The following CDC42BPA variants were observed in gnomAD, a reference collection of about 807,000 sequenced individuals.
CDC42BPA encodes the protein serine/threonine-protein kinase MRCK alpha.
In CDC42BPA, 80 loss-of-function variants were observed where a neutral mutation model predicts 223.5. The ratio of observed to expected loss-of-function variants is 0.36; its 90% CI spans 0.30 to 0.43. The LOEUF (loss-of-function observed/expected upper bound fraction) is 0.43. Among genes scored for constraint, CDC42BPA ranks in the 20% least tolerant of loss-of-function variants. The pLI is 1.00. For synonymous variants in CDC42BPA, 694 were observed against 718.6 expected, an observed-to-expected ratio of 0.97 and a Z score of 0.55; for missense variants, 1,743 against 2,099.9, an observed-to-expected ratio of 0.83 and a Z score of 3.32.
intron 10 of CDC42BPA, among the ~76,000 whole-genome samples, chr1:227,135,762 G>A (rs1472140835): frequency 1.3e-5 from 2 of 150,534 alleles, no homozygotes; most frequent in African/African-American, 4.9e-5. Flanking sequence ...GCTGAGGCAG[G>A]AGAATTGCTT....
chr1:227,220,808 TC>T (rs1439239517), intron 2 of CDC42BPA, among the ~76,000 whole-genome samples: 1 of 152,032 alleles, frequency 6.6e-6, no homozygotes, highest in Non-Finnish European at 1.5e-5. Flanking sequence ...CTGCTTTCAA[TC>T]CCCCTTTCTC....
intron 4 of CDC42BPA, among the ~76,000 whole-genome samples, chr1:227,198,457 A>G (rs1370369695): frequency 1.7e-5 from 1 of 59,444 alleles, no homozygotes; most frequent in Non-Finnish European, 3.8e-5. Context: ...AAAAAAGAAA[A>G]GAAAGAAAGA....
At chr1:227,072,121 C>G in intron 20 of CDC42BPA, 87 bp downstream of exon 20, 2 of 735,040 alleles carry the variant, frequency 2.7e-6, no homozygotes, top group Non-Finnish European at 4.5e-6. Context: ...AATTCTCCCA[C>G]CTATGCAATG....
intron 12 of CDC42BPA, among the ~76,000 whole-genome samples, chr1:227,113,403 A>G (rs917435276): frequency 1.3e-5 from 2 of 152,212 alleles, no homozygotes; most frequent in Non-Finnish European, 2.9e-5. Flanking sequence ...CAGCAAAAGG[A>G]AATGCAAATT....
intron 31 of CDC42BPA, among the ~76,000 whole-genome samples, chr1:227,024,871 T>C (rs367639084): frequency 2.6e-5 from 4 of 152,334 alleles, no homozygotes; most frequent in African/African-American, 9.6e-5. Flanking sequence ...GGTAGGTTCA[T>C]GAGTGATCAG....
Position 227,028,672 on chromosome 1 carries a change from T to C in CDC42BPA, c.4417A>G (p.Asn1473Asp). The C allele has an allele frequency of 6.4e-7, 1 of 1,563,186 alleles. No homozygotes were observed. The highest frequency in any genetic ancestry group is 8.7e-7 in the Non-Finnish European group (1 of 1,149,256). The change falls in exon 30 of 37, where the codon AAT becomes GAT. Residue 1473 changes from asparagine (N) to aspartate (D), a missense_variant. Coordinates refer to ENST00000366766, the MANE Select transcript of CDC42BPA (RefSeq NM_001394014.1). ...AGAATCTTACAACAAGAGGAAGGAT[T>C]TGCTGGCCACATCAATTCCTGTTGT... ...SRQQELMWPA[N>D]PSSCCYNAPY...
At chr1:227,274,164 T>C (rs866953157) in intron 1 of CDC42BPA, among the ~76,000 whole-genome samples, 1 of 152,062 alleles carries the variant, frequency 6.6e-6, no homozygotes, top group Admixed American at 6.6e-5. Flanking sequence ...ATACAGTTCA[T>C]GAATAGGGTA....
intron 21 of CDC42BPA, among the ~76,000 whole-genome samples, chr1:227,063,016 T>C (rs2148975230): frequency 6.6e-6 from 1 of 152,214 alleles, no homozygotes; most frequent in South Asian, 2.1e-4. Context: ...GCCAATACCA[T>C]TTAAAGCTAA....
At chr1:227,255,766 T>C (rs753412205) in intron 1 of CDC42BPA, among the ~76,000 whole-genome samples, 24 of 152,186 alleles carry the variant, frequency 1.6e-4, no homozygotes, top group East Asian at 9.6e-4. Context: ...GACTTGTACA[T>C]TGGAAACTAC....
At chr1:227,240,585 G>T (rs540921524) in intron 2 of CDC42BPA, among the ~76,000 whole-genome samples, 1 of 151,970 alleles carries the variant, frequency 6.6e-6, no homozygotes, top group African/African-American at 2.4e-5. Flanking sequence ...AGAGAATAGA[G>T]AGGACAGCAA....
intron 35 of CDC42BPA, among the ~76,000 whole-genome samples, chr1:226,997,453 G>C (rs578211691): frequency 1.3e-5 from 2 of 152,174 alleles, no homozygotes; most frequent in South Asian, 4.2e-4. Flanking sequence ...ATCTCCTTCA[G>C]TTCTGCTCTG....
At chr1:227,203,061 T>C (rs1047481159) in intron 3 of CDC42BPA, among the ~76,000 whole-genome samples, 1 of 152,142 alleles carries the variant, frequency 6.6e-6, no homozygotes, top group Non-Finnish European at 1.5e-5. Context: ...CAACAATTAT[T>C]TTCTTGGTCA....
At chr1:227,128,181 G>A (rs1224320593) in intron 11 of CDC42BPA, among the ~76,000 whole-genome samples, 2 of 152,024 alleles carry the variant, frequency 1.3e-5, no homozygotes, top group Non-Finnish European at 2.9e-5. Context: ...GAACACCTGG[G>A]GCACATTTGA....
chr1:227,271,425 C>T (rs780987670), intron 1 of CDC42BPA, among the ~76,000 whole-genome samples: 3 of 152,068 alleles, frequency 2.0e-5, no homozygotes, highest in Non-Finnish European at 4.4e-5. Context: ...TCCTATCATG[C>T]TATCAGAACT....
chr1:227,136,101 G>A (rs1398832337), intron 10 of CDC42BPA, among the ~76,000 whole-genome samples: 1 of 151,908 alleles, frequency 6.6e-6, no homozygotes, highest in Non-Finnish European at 1.5e-5. Context: ...TTCAGTTGTT[G>A]AAAGTAACAG....
intron 14 of CDC42BPA, among the ~76,000 whole-genome samples, chr1:227,107,409 T>G (rs574498715): frequency 1.3e-5 from 2 of 152,226 alleles, no homozygotes; most frequent in South Asian, 4.2e-4. Context: ...GAATTTATTT[T>G]AAGCTCAAGT....
intron 12 of CDC42BPA, among the ~76,000 whole-genome samples, chr1:227,113,431 G>C (rs1452165254): frequency 1.3e-5 from 2 of 152,162 alleles, no homozygotes; most frequent in Non-Finnish European, 2.9e-5. Flanking sequence ...GGGGAAAGAA[G>C]TGCAATGAAA....
At position 227,305,871 on chromosome 1, in the gene CDC42BPA, C is replaced by T. The variant is rs569549127; in HGVS notation, c.178+11134G>A. Among the ~76,000 whole-genome samples the T allele has an allele frequency of 7.2e-5, 11 of 152,248 alleles. No individual in the cohort carries two copies. In the East Asian group the frequency reaches 9.6e-4, roughly 13 times the overall value. On this transcript the variant is annotated intron_variant, in intron 1 of 36. Transcript: ENST00000366766. ...ATCCCAGCTACTCGGGAGGCTGAGG[C>T]GGGAGAATCACTTGAACCCAGAAGG... is the stretch of plus-strand genomic sequence containing the variant.
At chr1:227,162,602 G>A (rs916367278) in intron 5 of CDC42BPA, among the ~76,000 whole-genome samples, 7 of 152,124 alleles carry the variant, frequency 4.6e-5, no homozygotes, top group Admixed American at 2.0e-4. Flanking sequence ...AGGCCGAGGA[G>A]GGAGGATTAC....
Sources: allele counts gnomAD v4.1 joint callset (sites outside exome capture counted in the v4.1 genomes callset), GRCh38; gene constraint gnomAD v4.1.1; transcripts MANE v1.5; gene names NCBI Gene and HGNC (gene_info 2026-07-23, HGNC 2026-07-21).